Variants in JADE1 observed in about 807,000 individuals in gnomAD.
The protein encoded by JADE1 is jade family PHD finger 1.
In JADE1, 14 loss-of-function variants were observed where a neutral mutation model predicts 81.8. The observed-to-expected ratio is 0.17, with a 90% CI of 0.11 to 0.27. The LOEUF is 0.27. Ranked by LOEUF, JADE1 falls within the 10% of genes least tolerant of loss-of-function variation. The probability of loss-of-function intolerance (pLI) is 1.00; values close to 1 mark genes in which losing one functional copy is unlikely to be tolerated. For synonymous variants in JADE1, 353 were observed against 391.9 expected, an observed-to-expected ratio of 0.90 and a Z score of 1.17; for missense variants, 690 against 1,047.9, an observed-to-expected ratio of 0.66 and a Z score of 4.71.
intron 2 of JADE1, among the ~76,000 whole-genome samples, chr4:128,832,790 T>C (rs1219092411): frequency 1.3e-5 from 2 of 152,246 alleles, no homozygotes; most frequent in Non-Finnish European, 2.9e-5. Flanking sequence ...CAGTTTTCTG[T>C]GCTCTAAGTT....
chr4:128,859,503 G>T (rs371711609), intron 8 of JADE1, among the ~76,000 whole-genome samples: 2 of 152,110 alleles, frequency 1.3e-5, no homozygotes, highest in Non-Finnish European at 2.9e-5. Flanking sequence ...ATGTGTATGT[G>T]TGTATGCGTG....
Position 128,813,328 on chromosome 4 carries a change from A to G in JADE1, c.-27+3451A>G, listed in dbSNP as rs1015857825. Among the ~76,000 whole-genome samples, 14 of 150,466 alleles carry G rather than the reference A, an allele frequency of 9.3e-5. No individual in the cohort carries two copies. The East Asian group carries it at 9.8e-4, about 10-fold the overall frequency. ...TTAAATGGGATGTTTTGTGAGTAAC[A>G]CTCTTAGCAAGTACATGCAACCCAG... On this transcript the variant is annotated intron_variant, in intron 1 of 10. Transcript: ENST00000226319.
chr4:128,867,937 C>T lies in JADE1; in HGVS notation c.1585C>T (p.Leu529Phe). The T allele has an allele frequency of 6.2e-7, 1 of 1,613,360 alleles. No individual in the cohort carries two copies. Among genetic ancestry groups the T allele is most frequent in the Non-Finnish European group, 8.5e-7 (1 of 1,179,350 alleles). The change falls in exon 10 of 11, where the codon CTT becomes TTT. Residue 529 changes from leucine (L) to phenylalanine (F), a missense_variant. By Grantham distance (22) the Leu-to-Phe change is conservative (BLOSUM62 0). Coordinates refer to ENST00000226319, the MANE Select transcript of JADE1 (RefSeq NM_199320.4). ...VCKVQEQIFN[L>F]YTKLLEQERV... ...CAAAGTCCAGGAACAGATATTCAAT[C>T]TTTACACTAAGCTTTTGGAGCAAGA...
At chr4:128,870,818 T>A (rs1392144522) in intron 10 of JADE1, among the ~76,000 whole-genome samples, 6 of 152,246 alleles carry the variant, frequency 3.9e-5, no homozygotes, top group Non-Finnish European at 7.3e-5. Flanking sequence ...TCAAGAATTA[T>A]TTCACACATT....
At chr4:128,814,124 A>G (rs1451533238) in intron 1 of JADE1, among the ~76,000 whole-genome samples, 1 of 152,044 alleles carries the variant, frequency 6.6e-6, no homozygotes, top group African/African-American at 2.4e-5. Flanking sequence ...CTGTGCTTAT[A>G]TTAGTTATCC....
intron 8 of JADE1, among the ~76,000 whole-genome samples, chr4:128,860,552 C>G (rs1579225085): frequency 6.6e-6 from 1 of 152,308 alleles, no homozygotes; most frequent in Non-Finnish European, 1.5e-5. Context: ...CTCTGTGCAG[C>G]CCCTGGCATG....
intron 1 of JADE1, among the ~76,000 whole-genome samples, chr4:128,817,322 C>T (rs1445345875): frequency 2.0e-5 from 3 of 151,866 alleles, no homozygotes; most frequent in East Asian, 1.9e-4. Flanking sequence ...CAAGTGTGCA[C>T]CTGTGTGGCT....
chr4:128,871,884 A>G lies in JADE1; in HGVS notation c.2151A>G (p.Ile717Met), dbSNP rs1426793336. ...GQSAPGTRKE[I>M]VPKCNGSLIK... Reference sequence around the variant, plus strand: ...CAGCACCTGGCACAAGGAAGGAGATAGTGCCCAAGTGCAATGGCTCCCTAA... The same window carrying G: ...CAGCACCTGGCACAAGGAAGGAGATGGTGCCCAAGTGCAATGGCTCCCTAA... Residue 717 changes from isoleucine to methionine, a missense_variant, in exon 11 of 11, where the codon ATA becomes ATG. This residue lies in a region of JADE1 where 218 missense variants were observed against 274.3 expected (regional missense o/e 0.79). Coordinates refer to ENST00000226319, the MANE Select transcript of JADE1 (RefSeq NM_199320.4). The surrounding 1 kb of genome is among the most constrained non-coding windows in gnomAD (Gnocchi z 4.1). 1 of 1,614,126 alleles carries G rather than the reference A, an allele frequency of 6.2e-7. No individual in the cohort carries two copies. Among genetic ancestry groups the G allele is most frequent in the East Asian group, 2.2e-5 (1 of 44,840 alleles).
intron 1 of JADE1, among the ~76,000 whole-genome samples, chr4:128,820,065 C>T (rs1250105444): frequency 6.6e-6 from 1 of 152,090 alleles, no homozygotes; most frequent in Non-Finnish European, 1.5e-5. Flanking sequence ...TTTTGAAATC[C>T]TCTCTAGCTC....
At chr4:128,843,484 T>C (rs1046160718) in intron 3 of JADE1, among the ~76,000 whole-genome samples, 44 of 152,166 alleles carry the variant, frequency 2.9e-4, no homozygotes, top group African/African-American at 1.0e-3. Context: ...GACTTTTGTT[T>C]AGGGGATTAT....
chr4:128,874,508 TAAAA>T lies in JADE1; in HGVS notation c.*2251_*2254del, dbSNP rs3836574. On this transcript the variant is annotated 3_prime_UTR_variant, in exon 11 of 11. Coordinates refer to ENST00000226319, the MANE Select transcript of JADE1 (RefSeq NM_199320.4). ...AAAACAAAAACAAAACAAAAAATATTAAAAAAAACCCACACAAAAACAAAACACA... is the reference window on the plus strand; with the variant it reads ...AAAACAAAAACAAAACAAAAAATATTAAAACCCACACAAAAACAAAACACA... 6.6e-6 allele frequency: 1 copy of T among 151,606 alleles called. No homozygotes were observed. Among genetic ancestry groups the T allele is most frequent in the Non-Finnish European group, 1.5e-5 (1 of 67,836 alleles). The allele number at this position is 151,606 out of a possible 1,614,324, so 9.4% of individuals were successfully genotyped here.
intron 1 of JADE1, among the ~76,000 whole-genome samples, chr4:128,813,405 C>CA (rs1726666039): frequency 1.0e-5 from 1 of 99,776 alleles, no homozygotes; most frequent in African/African-American, 3.3e-5. Flanking sequence ...TACTTACGGT[C>CA]ACTTTTTTTT....
intron 9 of JADE1, chr4:128,864,505 C>T (rs1195868465): frequency 1.0e-6 from 1 of 985,320 alleles, no homozygotes; most frequent in African/African-American, 1.7e-5. Context: ...TGCCATGATG[C>T]CTGTGATGGT....
intron 3 of JADE1, among the ~76,000 whole-genome samples, chr4:128,844,261 A>AC (rs1393988731): frequency 6.6e-6 from 1 of 152,040 alleles, no homozygotes. Context: ...GTAGTTCGAA[A>AC]CCTACTTCCA....
At chr4:128,869,871 T>G (rs925484992) in intron 10 of JADE1, among the ~76,000 whole-genome samples, 1 of 152,222 alleles carries the variant, frequency 6.6e-6, no homozygotes, top group Non-Finnish European at 1.5e-5. Context: ...AGTCCTAGGC[T>G]TCAGTCGTGT....
chr4:128,834,945 A>AG (rs1728863014), intron 2 of JADE1, among the ~76,000 whole-genome samples: 1 of 151,944 alleles, frequency 6.6e-6, no homozygotes, highest in African/African-American at 2.4e-5. Context: ...CAGGAATTGG[A>AG]GACCAGCCTG....
At chr4:128,820,432 C>G (rs1347747681) in intron 1 of JADE1, among the ~76,000 whole-genome samples, 1 of 152,128 alleles carries the variant, frequency 6.6e-6, no homozygotes, top group African/African-American at 2.4e-5. Flanking sequence ...AAGATTTCTT[C>G]TAGACACAAT....
intron 2 of JADE1, 30 bp downstream of exon 2, chr4:128,831,840 T>C (rs746175372): frequency 2.5e-6 from 4 of 1,594,638 alleles, no homozygotes; most frequent in Non-Finnish European, 3.4e-6. Flanking sequence ...TCTTGGAGCC[T>C]ACCAGGGTTT....
At chr4:128,834,333 G>C (rs1005314115) in intron 2 of JADE1, among the ~76,000 whole-genome samples, 1 of 152,054 alleles carries the variant, frequency 6.6e-6, no homozygotes, top group African/African-American at 2.4e-5. Context: ...CTTTGCACAG[G>C]CATCGCTGGT....
Sources: gnomAD v4.1 joint callset for allele counts (sites outside exome capture counted in the v4.1 genomes callset) on GRCh38, gnomAD v4.1.1 for gene constraint, gnomAD v4.1.1 regional missense constraint, Gnocchi (gnomAD v3.1) non-coding constraint, MANE v1.5 for transcripts, NCBI Gene and HGNC (gene_info 2026-07-23, HGNC 2026-07-21) for gene names.